Variants in TNS3 observed in about 807,000 individuals in gnomAD.
TNS3 encodes the protein tensin-3.
In TNS3, 45 loss-of-function variants were observed where a neutral mutation model predicts 140.9. That is an observed-to-expected ratio of 0.32 (90% CI 0.25 to 0.41). The LOEUF (loss-of-function observed/expected upper bound fraction) is 0.41, where lower values mean the gene tolerates loss of function less well. TNS3 is among the 10% of genes least tolerant of loss of function. TNS3 has a pLI of 1.00. For missense variants in TNS3, 1,716 were observed against 1,906.7 expected, an observed-to-expected ratio of 0.90 and a Z score of 1.86; for synonymous variants, 815 against 788.4, an observed-to-expected ratio of 1.03 and a Z score of -0.56.
chr7:47,561,549 C>T (rs1800320009), intron 1 of TNS3, among the ~76,000 whole-genome samples: 1 of 152,134 alleles, frequency 6.6e-6, no homozygotes, highest in Non-Finnish European at 1.5e-5. Flanking sequence ...CTAGGAAGCT[C>T]ATAGCCAAAT....
At chr7:47,490,573 A>C (rs1797772766) in intron 3 of TNS3, among the ~76,000 whole-genome samples, 1 of 152,246 alleles carries the variant, frequency 6.6e-6, no homozygotes, top group African/African-American at 2.4e-5. Context: ...GCCTGGCCTT[A>C]GACAGCTGCA....
chr7:47,523,032 A>C (rs1799047031), intron 2 of TNS3, among the ~76,000 whole-genome samples: 1 of 152,136 alleles, frequency 6.6e-6, no homozygotes, highest in African/African-American at 2.4e-5. Context: ...AAATTACCCT[A>C]AACTAGGTGG....
intron 28 of TNS3, 75 bp downstream of exon 28, chr7:47,283,622 A>G: frequency 7.4e-7 from 1 of 1,356,302 alleles, no homozygotes; most frequent in Non-Finnish European, 9.7e-7. Flanking sequence ...ATGACTACTC[A>G]CACTAGGGAA....
At chr7:47,391,047 C>A (rs1290797970) in intron 16 of TNS3, among the ~76,000 whole-genome samples, 1 of 152,180 alleles carries the variant, frequency 6.6e-6, no homozygotes, top group Non-Finnish European at 1.5e-5. Context: ...ATCTCACGAT[C>A]CACCACACAC....
chr7:47,283,595 G>T, intron 28 of TNS3, 102 bp downstream of exon 28: 2 of 1,186,414 alleles, frequency 1.7e-6, no homozygotes, highest in Non-Finnish European at 2.2e-6. Context: ...CTCAAAGACG[G>T]CTAATGATTT....
At chr7:47,552,077 G>GC in intron 1 of TNS3, among the ~76,000 whole-genome samples, 1 of 149,772 alleles carries the variant, frequency 6.7e-6, no homozygotes, top group East Asian at 1.9e-4. Context: ...ACCTCCCCAC[G>GC]CCCATCACAT....
chr7:47,558,829 G>A (rs1175431804), intron 1 of TNS3, among the ~76,000 whole-genome samples: 1 of 152,100 alleles, frequency 6.6e-6, no homozygotes, highest in East Asian at 1.9e-4. Context: ...CCAAGTCCAA[G>A]CCCTCCTTGG....
At chr7:47,580,489 T>C (rs1469789916) in intron 1 of TNS3, among the ~76,000 whole-genome samples, 1 of 152,018 alleles carries the variant, frequency 6.6e-6, no homozygotes, top group African/African-American at 2.4e-5. Flanking sequence ...GTTCCTCCTG[T>C]CAATTCCCTG....
At chr7:47,563,929 C>T (rs527409591) in intron 1 of TNS3, among the ~76,000 whole-genome samples, 1 of 152,194 alleles carries the variant, frequency 6.6e-6, no homozygotes, top group Non-Finnish European at 1.5e-5. Flanking sequence ...CGCGGTGGCT[C>T]ACGCCTGTAA....
At chr7:47,544,296 C>T (rs1562846564) in intron 1 of TNS3, among the ~76,000 whole-genome samples, 1 of 152,124 alleles carries the variant, frequency 6.6e-6, no homozygotes, top group Non-Finnish European at 1.5e-5. Context: ...AAGGGCCCAC[C>T]TGTCTCCACC....
chr7:47,435,439 T>G, intron 7 of TNS3, 35 bp from the exon 8 acceptor site: 1 of 1,609,708 alleles, frequency 6.2e-7, no homozygotes, highest in Non-Finnish European at 8.5e-7. Context: ...TCGGTTTCCA[T>G]TTCCTAAAAC....
chr7:47,456,893 G>A (rs1796268141), intron 4 of TNS3, among the ~76,000 whole-genome samples: 1 of 151,816 alleles, frequency 6.6e-6, no homozygotes, highest in African/African-American at 2.4e-5. Flanking sequence ...GTGTTTCTCA[G>A]CCCTTTTGAA....
chr7:47,316,013 T>C (rs2150803316), intron 20 of TNS3, among the ~76,000 whole-genome samples: 1 of 152,066 alleles, frequency 6.6e-6, no homozygotes, highest in Middle Eastern at 3.4e-3. Context: ...AAATACAGTC[T>C]CAATCTTTGG....
chr7:47,481,575 T>A lies in TNS3; in HGVS notation c.-114-434A>T, dbSNP rs6960254. On this transcript the variant is annotated intron_variant, in intron 3 of 30. Coordinates refer to ENST00000311160, the MANE Select transcript of TNS3 (RefSeq NM_022748.12). ...TCCCATCCTCACCCAGGGGCATGCA[T>A]TCTCTACACAAGGGGCCATCTTTTC... 15,327 of 822,968 alleles carry A rather than the reference T, an allele frequency of 0.019. 1,557 individuals carry two copies. The African/African-American group carries it at 0.24, about 13-fold the overall frequency. 51.0% of individuals were successfully genotyped at this position (822,968 alleles called of 1,614,324 possible). A position where few individuals can be genotyped will look rare whatever the true frequency, so the allele number is the denominator to read the frequency against.
intron 20 of TNS3, among the ~76,000 whole-genome samples, chr7:47,324,175 T>G (rs899832668): frequency 3.3e-5 from 5 of 152,244 alleles, no homozygotes; most frequent in Admixed American, 2.0e-4. Flanking sequence ...TTCATCTGTT[T>G]GTTGGTCAAT....
intron 20 of TNS3, among the ~76,000 whole-genome samples, chr7:47,343,584 G>A (rs1214781859): frequency 6.6e-6 from 1 of 152,144 alleles, no homozygotes; most frequent in South Asian, 2.1e-4. Flanking sequence ...TGAGGAGGAG[G>A]GGTTACATGG....
intron 11 of TNS3, 116 bp downstream of exon 11, chr7:47,414,978 G>T: frequency 1.4e-6 from 1 of 722,348 alleles, no homozygotes; most frequent in Non-Finnish European, 2.3e-6. Context: ...AGGCAGAGGA[G>T]CAGATCCTGG....
intron 1 of TNS3, among the ~76,000 whole-genome samples, chr7:47,541,935 C>A (rs996514208): frequency 1.4e-5 from 2 of 143,736 alleles, no homozygotes; most frequent in African/African-American, 5.8e-5. Context: ...GGCAACAGAG[C>A]GAGACTCCAT....
At chr7:47,425,162 T>C (rs1426452609) in intron 9 of TNS3, among the ~76,000 whole-genome samples, 1 of 151,816 alleles carries the variant, frequency 6.6e-6, no homozygotes, top group Non-Finnish European at 1.5e-5. Flanking sequence ...CTACTGAAAA[T>C]AAAAATTACC....
Sources: gnomAD v4.1 joint callset for allele counts (sites outside exome capture counted in the v4.1 genomes callset) on GRCh38, gnomAD v4.1.1 for gene constraint, MANE v1.5 for transcripts, NCBI Gene and HGNC (gene_info 2026-07-23, HGNC 2026-07-21) for gene names.